GGT7: variants seen among roughly 807,000 people sequenced by gnomAD.
GGT7 encodes the protein gamma-glutamyltransferase 7.
GGT7 carries 30 observed loss-of-function variants against 69.2 expected under a neutral mutation model. The ratio of observed to expected loss-of-function variants is 0.43; its 90% CI spans 0.32 to 0.59. The LOEUF (loss-of-function observed/expected upper bound fraction) is 0.59. Among genes scored for constraint, GGT7 ranks in the 20% least tolerant of loss-of-function variants. The pLI is 0.05. For synonymous variants in GGT7, 388 were observed against 391.8 expected (o/e 0.99, Z 0.12); for missense variants, 733 against 901.1 (o/e 0.81, Z 2.39).
Position 34,872,835 on chromosome 20 carries a change from C to T in GGT7, c.-20G>A. 2.3e-6 allele frequency: 3 copies of T among 1,325,598 alleles called. No individual in the cohort carries two copies. Among genetic ancestry groups the T allele is most frequent in the Non-Finnish European group, 2.9e-6 (3 of 1,030,754 alleles). The allele number at this position is 1,325,598 out of a possible 1,614,324, so 82.1% of individuals were successfully genotyped here. A position where few individuals can be genotyped will look rare whatever the true frequency, so the allele number is the denominator to read the frequency against. On this transcript the variant is annotated 5_prime_UTR_variant, in exon 1 of 15. Coordinates refer to ENST00000336431, the MANE Select transcript of GGT7 (RefSeq NM_178026.3). ...CGCCATCCTCGCCCGCGCCCCCCAG[C>T]AGCGCAGCGCCTGCCGGAAGTGGCT...
intron 10 of GGT7, among the ~76,000 whole-genome samples, chr20:34,853,731 C>T (rs6120743): frequency 6.6e-6 from 1 of 152,190 alleles, no homozygotes; most frequent in Non-Finnish European, 1.5e-5. Flanking sequence ...TTACCACAAC[C>T]TTACAAGGTT....
intron 7 of GGT7, 46 bp downstream of exon 7, chr20:34,859,397 T>C (rs1243376969): frequency 6.8e-7 from 1 of 1,461,562 alleles, no homozygotes; most frequent in Non-Finnish European, 9.2e-7. Context: ...TGTCCTGCAA[T>C]AGGGACCTTG....
rs1232293802 is a variant in GGT7, at chr20:34,872,605, G to A, written c.169+42C>T. On this transcript the variant is annotated intron_variant, in intron 1 of 14. Transcript: ENST00000336431. ...TTGACACAGAAGAAGGAAGACCGGG[G>A]ACTTCCCAAGGCAGGGCAGGGACGG... 6.0e-6 allele frequency: 8 copies of A among 1,342,448 alleles called. No individual in the cohort carries two copies. The East Asian group carries it at 2.4e-4, about 40-fold the overall frequency. 83.2% of individuals were successfully genotyped at this position (1,342,448 alleles called of 1,614,324 possible).
chr20:34,848,199 G>T (rs774237627), intron 14 of GGT7, among the ~76,000 whole-genome samples: 3 of 152,210 alleles, frequency 2.0e-5, no homozygotes, highest in Non-Finnish European at 2.9e-5. Flanking sequence ...AGTCACAAAG[G>T]TGCTGGGTAA....
rs1413030244 is a variant in GGT7 at position 34,854,537 on chromosome 20, A to G, written c.1313T>C (p.Met438Thr). 5 of 1,605,600 alleles carry G rather than the reference A, an allele frequency of 3.1e-6. No individual in the cohort carries two copies. The highest frequency in any genetic ancestry group is 3.4e-6 in the Non-Finnish European group (4 of 1,172,474). Residue 438 changes from methionine (M) to threonine (T), a missense_variant, in exon 10 of 15, where the codon ATG becomes ACG. Transcript: ENST00000336431. Reference sequence around the variant, plus strand: ...GGTCCTGCCCAAGACCCACCTGAGCATGTCATCCATGCTCTCAGTGATGGT... The same window carrying G: ...GGTCCTGCCCAAGACCCACCTGAGCGTGTCATCCATGCTCTCAGTGATGGT... ...DSTITESMDD[M>T]LSKVEAAYLR...
intron 8 of GGT7, among the ~76,000 whole-genome samples, chr20:34,856,231 C>T (rs2146901696): frequency 6.6e-6 from 1 of 152,292 alleles, no homozygotes; most frequent in Non-Finnish European, 1.5e-5. Context: ...AGGGAAAGAA[C>T]CTGAGAATCT....
rs956036694 is a variant in GGT7 at position 34,848,048 on chromosome 20, G to A, written c.1825+1913C>T. Among the ~76,000 whole-genome samples the A allele has an allele frequency of 2.0e-4, 31 of 152,116 alleles. 1 individual carries two copies. Among genetic ancestry groups the A allele is most frequent in the Admixed American group, 1.9e-3 (29 of 15,270 alleles). ...GTGGAGGTTGAAGTGAGCTGAGATC[G>A]CACCACTGCACTCCAGCCTGGGTGA... On this transcript the variant is annotated intron_variant, in intron 14 of 14. Coordinates refer to ENST00000336431, the MANE Select transcript of GGT7 (RefSeq NM_178026.3).
At chr20:34,849,506 A>G (rs2079354676) in intron 14 of GGT7, among the ~76,000 whole-genome samples, 1 of 152,102 alleles carries the variant, frequency 6.6e-6, no homozygotes, top group South Asian at 2.1e-4. Flanking sequence ...GCCACCAAAG[A>G]GAAGTCTTCC....
chr20:34,857,276 A>T (rs1260464714), intron 7 of GGT7, among the ~76,000 whole-genome samples: 1 of 152,090 alleles, frequency 6.6e-6, no homozygotes, highest in Non-Finnish European at 1.5e-5. Flanking sequence ...GTGTCTTTGT[A>T]CCTGCTGCTC....
chr20:34,858,574 G>T (rs2079532362), intron 7 of GGT7, among the ~76,000 whole-genome samples: 1 of 152,196 alleles, frequency 6.6e-6, no homozygotes, highest in Non-Finnish European at 1.5e-5. Context: ...TCCTTACCAT[G>T]AACTTAATTT....
chr20:34,868,597 C>A (rs2079730782), intron 1 of GGT7, among the ~76,000 whole-genome samples: 1 of 152,104 alleles, frequency 6.6e-6, no homozygotes, highest in South Asian at 2.1e-4. Context: ...TTTTAAGGAA[C>A]ATTCTCTCTC....
At chr20:34,859,375 T>C in intron 7 of GGT7, 68 bp downstream of exon 7, 1 of 1,242,332 alleles carries the variant, frequency 8.0e-7, no homozygotes, top group Non-Finnish European at 1.1e-6. Flanking sequence ...AAGGAAAAAA[T>C]GCGGACGCGG....
Position 34,845,082 on chromosome 20 carries a change from C to A in GGT7, c.*246G>T. 2 of 540,706 alleles carry A rather than the reference C, an allele frequency of 3.7e-6. No homozygotes were observed. The highest frequency in any genetic ancestry group is 6.6e-6 in the Non-Finnish European group (2 of 303,146). 33.5% of individuals were successfully genotyped at this position (540,706 alleles called of 1,614,324 possible). On this transcript the variant is annotated 3_prime_UTR_variant, in exon 15 of 15. Coordinates refer to ENST00000336431, the MANE Select transcript of GGT7 (RefSeq NM_178026.3). ...GATAGTCTGATTCCTCAAGGTCCTG[C>A]CTGCCTGGCTGTACTGTAGATGCTG...
intron 1 of GGT7, among the ~76,000 whole-genome samples, chr20:34,865,462 T>A (rs1568943053): frequency 3.9e-5 from 6 of 152,264 alleles, no homozygotes; most frequent in Non-Finnish European, 1.5e-5. Flanking sequence ...AGCGCTGGGA[T>A]TACAGGCATG....
chr20:34,867,683 C>T (rs1379872973), intron 1 of GGT7, among the ~76,000 whole-genome samples: 3 of 151,820 alleles, frequency 2.0e-5, no homozygotes, highest in Non-Finnish European at 2.9e-5. Context: ...CCAGCCTGGG[C>T]GACAGGGTGA....
Position 34,845,281 on chromosome 20 carries a change from G to A in GGT7, c.*47C>T. 2 of 1,559,204 alleles carry A rather than the reference G, an allele frequency of 1.3e-6. No homozygotes were observed. The highest frequency in any genetic ancestry group is 1.2e-5 in the South Asian group (1 of 86,090). ...AAACCTGGGAGAAGGAGGGACTCTG[G>A]GAACATGCAAAGTGGGGGAGCAGAG... On this transcript the variant is annotated 3_prime_UTR_variant, in exon 15 of 15. Transcript: ENST00000336431.
chr20:34,871,627 G>C (rs1337650965), intron 1 of GGT7, among the ~76,000 whole-genome samples: 1 of 152,344 alleles, frequency 6.6e-6, no homozygotes, highest in South Asian at 2.1e-4. Flanking sequence ...TAGAGGAGGA[G>C]AGAATTTGGG....
intron 8 of GGT7, among the ~76,000 whole-genome samples, chr20:34,856,577 T>A (rs1568934491): frequency 2.0e-5 from 3 of 152,188 alleles, no homozygotes; most frequent in Non-Finnish European, 4.4e-5. Context: ...TTGGACCCTT[T>A]GACCAGGTCC....
intron 12 of GGT7, among the ~76,000 whole-genome samples, chr20:34,851,941 C>T (rs1023328045): frequency 6.6e-6 from 1 of 152,230 alleles, no homozygotes; most frequent in South Asian, 2.1e-4. Flanking sequence ...CAAGGTCACA[C>T]AGTAAGACAG....
Sources: gnomAD v4.1 joint callset for allele counts (sites outside exome capture counted in the v4.1 genomes callset) on GRCh38, gnomAD v4.1.1 for gene constraint, MANE v1.5 for transcripts, NCBI Gene and HGNC (gene_info 2026-07-23, HGNC 2026-07-21) for gene names.